PKM: variants seen among roughly 807,000 people sequenced by gnomAD.
The protein encoded by PKM is pyruvate kinase PKM.
A neutral mutation model predicts 49.8 loss-of-function variants in PKM; 18 were observed. That is an observed-to-expected ratio of 0.36 (90% confidence interval 0.25 to 0.54). The LOEUF is 0.54. Among genes scored for constraint, PKM ranks in the 20% least tolerant of loss-of-function variants. The pLI is 0.89. For missense variants in PKM, 508 were observed against 713.8 expected (o/e 0.71, Z 3.28); for synonymous variants, 239 against 261.8 (o/e 0.91, Z 0.84).
In PKM at chr15:72,200,805, C is replaced by T. The variant is rs1256285903; in HGVS notation, c.1308-150G>A. 1.1e-5 allele frequency: 7 copies of T among 643,792 alleles called. No homozygotes were observed. Among genetic ancestry groups the T allele is most frequent in the African/African-American group, 1.8e-5 (1 of 54,690 alleles). 39.9% of individuals were successfully genotyped at this position (643,792 alleles called of 1,614,324 possible). A position where few individuals can be genotyped will look rare whatever the true frequency, so the allele number is the denominator to read the frequency against. On this transcript the variant is annotated intron_variant, in intron 9 of 10. Transcript: ENST00000335181. This position sits in a 1 kb window ranked among gnomAD's most constrained non-coding sequence, Gnocchi z 4.6. ...GCTCCCTAGGACCCCTCCCGAGGCTCGGGCAGCCCCTCATCCTATATCCCC... is the reference window on the plus strand; with the variant it reads ...GCTCCCTAGGACCCCTCCCGAGGCTTGGGCAGCCCCTCATCCTATATCCCC...
intron 1 of PKM, among the ~76,000 whole-genome samples, chr15:72,220,765 T>A (rs1018689127): frequency 6.6e-6 from 1 of 152,222 alleles, no homozygotes; most frequent in South Asian, 2.1e-4. Context: ...TGCCTCTTTG[T>A]CAGAATCAAA....
At chr15:72,230,790 G>A (rs970777422) in intron 1 of PKM, 11 of 459,932 alleles carry the variant, frequency 2.4e-5, no homozygotes, top group Non-Finnish European at 3.8e-5. Flanking sequence ...ACGAGGGACC[G>A]AGAGAAGGCA....
Position 72,208,731 on chromosome 15 carries a change from C to T in PKM, c.726G>A (p.Ala242=), listed in dbSNP as rs11558376. The change falls in exon 6 of 11, where the codon GCG becomes GCA. Residue 242 remains alanine, a synonymous_variant. Transcript: ENST00000335181. ...CATCAGATGCCTTGCGGATGAATGACGCAAACACCATATCAACATCCTGCT... is the reference window on the plus strand; with the variant it reads ...CATCAGATGCCTTGCGGATGAATGATGCAAACACCATATCAACATCCTGCT... ...GVEQDVDMVF[A]SFIRKASDVH... 2,488 of 1,614,130 alleles carry T rather than the reference C, an allele frequency of 1.5e-3. 17 individuals are homozygous for T. The highest frequency in any genetic ancestry group is 1.1e-3 in the Non-Finnish European group (1,327 of 1,180,020).
chr15:72,216,299 G>T (rs1332490254), intron 3 of PKM, among the ~76,000 whole-genome samples: 1 of 152,178 alleles, frequency 6.6e-6, no homozygotes. Flanking sequence ...GAAATCCCAT[G>T]ATCTATGGGA....
At chr15:72,204,252 C>A (rs754560771) in intron 8 of PKM, 5 of 152,154 alleles carry the variant, frequency 3.3e-5, no homozygotes, top group Non-Finnish European at 7.3e-5. Context: ...AACTGTTGGC[C>A]AGTGTTAACT....
chr15:72,199,755 G>A lies in PKM; in HGVS notation c.1491C>T (p.Gly497=), dbSNP rs202072043. The stretch of plus-strand genomic sequence containing the variant: ...CCTTCTTGAAGAAGCCTCGGGCCTT[G>A]CCTGGAGGAAGAGAAGGGAGGTTGG... ...DLRVNFAMNV[G]KARGFFKKGD... The change falls in exon 11 of 11, where the codon GGC becomes GGT. Residue 497 remains glycine, a splice_region_variant and synonymous_variant. Coordinates refer to ENST00000335181, the MANE Select transcript of PKM (RefSeq NM_002654.6). 7.5e-5 allele frequency: 121 copies of A among 1,611,022 alleles called. No homozygotes were observed. Among genetic ancestry groups the A allele is most frequent in the Admixed American group, 1.7e-5 (1 of 59,924 alleles).
chr15:72,212,026 G>A (rs2082266563), intron 3 of PKM, among the ~76,000 whole-genome samples: 1 of 152,174 alleles, frequency 6.6e-6, no homozygotes, highest in South Asian at 2.1e-4. Flanking sequence ...AGCCTCTAAA[G>A]ACAGTGTTGC....
chr15:72,230,528 T>C (rs1412677035), intron 1 of PKM, among the ~76,000 whole-genome samples: 1 of 150,012 alleles, frequency 6.7e-6, no homozygotes, highest in Non-Finnish European at 1.5e-5. Flanking sequence ...GGAGCGGACG[T>C]GACCAGCAAG....
At chr15:72,221,139 G>T (rs886328079) in intron 1 of PKM, 1 of 1,287,146 alleles carries the variant, frequency 7.8e-7, no homozygotes. Flanking sequence ...GTAAAGACCT[G>T]GCTGGGGCCA....
chr15:72,199,099 T>C lies in PKM; in HGVS notation c.*551A>G. ...AACAGGCCTGGAGGTGCTGCAGTAG[T>C]GGGGGAAAATGGAAGGTGGAGGGTG... On this transcript the variant is annotated 3_prime_UTR_variant, in exon 11 of 11. Coordinates refer to ENST00000335181, the MANE Select transcript of PKM (RefSeq NM_002654.6). The C allele has an allele frequency of 3.6e-6, 1 of 277,680 alleles. No individual in the cohort carries two copies. The highest frequency in any genetic ancestry group is 7.1e-6 in the Non-Finnish European group (1 of 140,438). The allele number at this position is 277,680 out of a possible 1,614,324, so 17.2% of individuals were successfully genotyped here.
intron 3 of PKM, among the ~76,000 whole-genome samples, chr15:72,213,670 A>C (rs1483075767): frequency 2.0e-5 from 3 of 152,142 alleles, no homozygotes; most frequent in Non-Finnish European, 1.5e-5. Context: ...ACCTCAAGTG[A>C]TCCCTCCGCC....
intron 1 of PKM, among the ~76,000 whole-genome samples, chr15:72,229,203 C>T (rs1178831904): frequency 6.6e-6 from 1 of 152,152 alleles, no homozygotes; most frequent in Non-Finnish European, 1.5e-5. Context: ...AGTAATTGTG[C>T]TCAAAAATAA....
Position 72,231,139 on chromosome 15 carries a change from T to C in PKM, c.-37A>G, listed in dbSNP as rs937683161. The C allele has an allele frequency of 3.1e-6, 1 of 324,538 alleles. No homozygotes were observed. Among genetic ancestry groups the C allele is most frequent in the African/African-American group, 2.2e-5 (1 of 46,064 alleles). The allele number at this position is 324,538 out of a possible 1,614,324, so 20.1% of individuals were successfully genotyped here. On this transcript the variant is annotated 5_prime_UTR_variant, in exon 1 of 11. Coordinates refer to ENST00000335181, the MANE Select transcript of PKM (RefSeq NM_002654.6). ...ACCTCCGGCGCTGACCGACTCGGGC[T>C]ACGCTGCAAAGACGAAGAGATCCGG...
intron 1 of PKM, among the ~76,000 whole-genome samples, chr15:72,226,401 T>C (rs1484140002): frequency 6.6e-6 from 1 of 152,046 alleles, no homozygotes; most frequent in Non-Finnish European, 1.5e-5. Flanking sequence ...GTGGTTGCGG[T>C]TGCCTGTAGT....
chr15:72,200,497 C>A lies in PKM; in HGVS notation c.1466G>T (p.Arg489Leu). The change falls in exon 10 of 11, where the codon CGG becomes CTG. Residue 489 changes from arginine (R) to leucine (L), a missense_variant. By Grantham distance (102) the Arg-to-Leu change is moderately radical (BLOSUM62 -2). Coordinates refer to ENST00000335181, the MANE Select transcript of PKM (RefSeq NM_002654.6). This position sits in a 1 kb window ranked among gnomAD's most constrained non-coding sequence, Gnocchi z 4.6. The part of the protein sequence containing the change: ...QEAWAEDVDL[R>L]VNFAMNVGKA... ...ACCAACATTCATGGCAAAGTTCACC[C>A]GGAGGTCCACGTCCTCAGCCCAGGC... The A allele has an allele frequency of 6.2e-7, 1 of 1,613,650 alleles. No individual in the cohort carries two copies. The highest frequency in any genetic ancestry group is 8.5e-7 in the Non-Finnish European group (1 of 1,179,846).
At chr15:72,231,296 C>T (rs1452056100), upstream of PKM, 1 of 156,424 alleles carries the variant, frequency 6.4e-6, no homozygotes, top group Non-Finnish European at 1.4e-5. Context: ...CCGGGCCCCG[C>T]CCCCTGCGTC....
chr15:72,229,520 G>C, intron 1 of PKM: 1 of 1,273,514 alleles, frequency 7.9e-7, no homozygotes, highest in Non-Finnish European at 1.0e-6. Flanking sequence ...GGAGTACGTA[G>C]ATTAAGAAGC....
chr15:72,215,962 T>C (rs1181077900), intron 3 of PKM, among the ~76,000 whole-genome samples: 2 of 152,098 alleles, frequency 1.3e-5, no homozygotes, highest in Non-Finnish European at 2.9e-5. Flanking sequence ...TTAACCTACA[T>C]GGTATGTCTG....
At position 72,199,742 on chromosome 15, in the gene PKM, A is replaced by C. The variant is rs1399601984; in HGVS notation, c.1504T>G (p.Phe502Val). The C allele has an allele frequency of 6.2e-7, 1 of 1,613,628 alleles. No homozygotes were observed. The highest frequency in any genetic ancestry group is 1.7e-5 in the Admixed American group (1 of 60,012). Residue 502 changes from phenylalanine (F) to valine (V), a missense_variant, in exon 11 of 11, where the codon TTC (phenylalanine) becomes GTC (valine). Transcript: ENST00000335181. ...FAMNVGKARG[F>V]FKKGDVVIVL... The stretch of plus-strand genomic sequence containing the variant: ...ATGACCACATCTCCCTTCTTGAAGA[A>C]GCCTCGGGCCTTGCCTGGAGGAAGA...
Sources: gnomAD v4.1 joint callset for allele counts (sites outside exome capture counted in the v4.1 genomes callset) on GRCh38, gnomAD v4.1.1 for gene constraint, Gnocchi (gnomAD v3.1) non-coding constraint, MANE v1.5 for transcripts, NCBI Gene and HGNC (gene_info 2026-07-23, HGNC 2026-07-21) for gene names.